Variants in PTPRO observed in about 807,000 individuals in gnomAD.
PTPRO encodes the protein protein tyrosine phosphatase receptor type O, also known as receptor-type tyrosine-protein phosphatase O.
Under a neutral mutation model 145.2 loss-of-function variants are expected in PTPRO, and 62 were observed. That is an observed-to-expected ratio of 0.43 (90% CI 0.35 to 0.53). The LOEUF (loss-of-function observed/expected upper bound fraction) is 0.53. Ranked by LOEUF, PTPRO falls within the 20% of genes least tolerant of loss-of-function variation. The pLI is 0.01. For missense variants in PTPRO, 1,345 were observed against 1,482.7 expected (o/e 0.91, Z 1.53); for synonymous variants, 565 against 514.7 (o/e 1.10, Z -1.32).
chr12:15,434,098 C>T (rs1307399153), intron 1 of PTPRO, among the ~76,000 whole-genome samples: 2 of 152,088 alleles, frequency 1.3e-5, no homozygotes, highest in Non-Finnish European at 1.5e-5. Flanking sequence ...AGAGGTTGTT[C>T]CCTTGAAAAT....
At chr12:15,535,053 C>T (rs1255356351) in intron 12 of PTPRO, among the ~76,000 whole-genome samples, 2 of 152,138 alleles carry the variant, frequency 1.3e-5, no homozygotes, top group Non-Finnish European at 2.9e-5. Flanking sequence ...AAATTAATGA[C>T]TCCCAGGCTT....
At chr12:15,519,567 G>A (rs1942670848) in intron 9 of PTPRO, among the ~76,000 whole-genome samples, 1 of 152,182 alleles carries the variant, frequency 6.6e-6, no homozygotes. Context: ...GGATCCTGGG[G>A]AGGAACACAA....
rs1050759154 is a variant in PTPRO at position 15,524,691 on chromosome 12, G to T, written c.1892-123G>T. ...TATTGAGAGGTCCTGAAGTTACCGGGACTATCGTGTGCTGTGAATTCTAAT... is the reference window on the plus strand; with the variant it reads ...TATTGAGAGGTCCTGAAGTTACCGGTACTATCGTGTGCTGTGAATTCTAAT... On this transcript the variant is annotated intron_variant, in intron 10 of 26. Transcript: ENST00000281171. The T allele has an allele frequency of 5.8e-6, 6 of 1,041,342 alleles. No individual in the cohort carries two copies. The African/African-American group carries it at 9.5e-5, about 16-fold the overall frequency. 64.5% of individuals were successfully genotyped at this position (1,041,342 alleles called of 1,614,324 possible). A position where few individuals can be genotyped will look rare whatever the true frequency, so the allele number is the denominator to read the frequency against.
chr12:15,549,000 T>C, intron 13 of PTPRO, 94 bp from the exon 14 acceptor site: 2 of 1,343,102 alleles, frequency 1.5e-6, no homozygotes, highest in Non-Finnish European at 2.1e-6. Context: ...CATTTTTTAC[T>C]CTGTCAATCT....
intron 1 of PTPRO, among the ~76,000 whole-genome samples, chr12:15,423,521 A>G (rs1409050867): frequency 1.3e-5 from 2 of 152,164 alleles, no homozygotes; most frequent in African/African-American, 4.8e-5. Flanking sequence ...AGAAAGTTCT[A>G]TGCACTTACA....
At chr12:15,525,889 C>A (rs1244102764) in intron 11 of PTPRO, among the ~76,000 whole-genome samples, 1 of 152,032 alleles carries the variant, frequency 6.6e-6, no homozygotes, top group Non-Finnish European at 1.5e-5. Flanking sequence ...AGAATGAGAC[C>A]CATTCCAAAT....
At chr12:15,337,289 C>T (rs1866796263) in intron 1 of PTPRO, 1 of 152,280 alleles carries the variant, frequency 6.6e-6, no homozygotes, top group African/African-American at 2.4e-5. Context: ...TAAAATTCAA[C>T]TCCATCATAA....
intron 1 of PTPRO, among the ~76,000 whole-genome samples, chr12:15,352,908 C>T (rs565309371): frequency 5.9e-5 from 9 of 152,202 alleles, no homozygotes; most frequent in Admixed American, 2.0e-4. Context: ...CCATCAATTA[C>T]CCAGAAAATA....
chr12:15,500,789 G>T (rs1222799995), intron 4 of PTPRO, among the ~76,000 whole-genome samples: 1 of 152,176 alleles, frequency 6.6e-6, no homozygotes, highest in African/African-American at 2.4e-5. Flanking sequence ...GGGCATGGTG[G>T]CTGGTGCCTG....
chr12:15,348,049 T>A (rs1441098344), intron 1 of PTPRO, among the ~76,000 whole-genome samples: 1 of 152,202 alleles, frequency 6.6e-6, no homozygotes, highest in African/African-American at 2.4e-5. Context: ...TCCCAAAAGA[T>A]GACCATACCC....
intron 1 of PTPRO, among the ~76,000 whole-genome samples, chr12:15,394,021 A>T (rs1370268805): frequency 6.6e-6 from 1 of 150,570 alleles, no homozygotes; most frequent in Non-Finnish European, 1.5e-5. Context: ...AACTCCTGTG[A>T]TAACCCAATG....
intron 1 of PTPRO, among the ~76,000 whole-genome samples, chr12:15,363,909 A>C (rs567755419): frequency 6.6e-6 from 1 of 152,310 alleles, no homozygotes; most frequent in East Asian, 1.9e-4. Context: ...AAAAGCTTAG[A>C]TACTAGCTGG....
At chr12:15,360,901 C>CACATACACATGTGTGTATAT in intron 1 of PTPRO, among the ~76,000 whole-genome samples, 1 of 120,046 alleles carries the variant, frequency 8.3e-6, no homozygotes, top group African/African-American at 3.1e-5. Flanking sequence ...TGTATATACA[C>CACATACACATGTGTGTATAT]ACACATATAT....
chr12:15,394,589 T>C (rs1939284746), intron 1 of PTPRO, among the ~76,000 whole-genome samples: 1 of 152,226 alleles, frequency 6.6e-6, no homozygotes, highest in African/African-American at 2.4e-5. Flanking sequence ...TAATAACTTA[T>C]GCAAGTCTTA....
rs530636383 is a variant in PTPRO, at chr12:15,455,421, G to A, written c.76-28553G>A. 6.6e-5 allele frequency among the ~76,000 whole-genome samples: 10 copies of A among 151,286 alleles called. No individual in the cohort carries two copies. In the East Asian group the frequency reaches 2.0e-3, roughly 30 times the overall value. On this transcript the variant is annotated intron_variant, in intron 1 of 26. Coordinates refer to ENST00000281171, the MANE Select transcript of PTPRO (RefSeq NM_030667.3). ...CTTTGATAGGAAGTATGATAAATTT[G>A]CAGATTGCACAATAAGAAGTAAGGA... is the stretch of plus-strand genomic sequence containing the variant.
At chr12:15,429,752 ATGTAGAAAACAAC>A (rs773464524) in intron 1 of PTPRO, among the ~76,000 whole-genome samples, 6 of 152,192 alleles carry the variant, frequency 3.9e-5, no homozygotes, top group Non-Finnish European at 7.4e-5. Flanking sequence ...TCTGAATGCA[ATGTAGAAAACAAC>A]TGGATGAGTG....
At chr12:15,572,715 CT>C (rs950713043) in intron 19 of PTPRO, among the ~76,000 whole-genome samples, 10 of 151,670 alleles carry the variant, frequency 6.6e-5, no homozygotes, top group African/African-American at 1.9e-4. Flanking sequence ...TCATGTTCTG[CT>C]TTTTTTTAAG....
chr12:15,484,134 CT>C lies in PTPRO; in HGVS notation c.237del (p.Pro80LeufsTer15), dbSNP rs1208469061. On this transcript the variant is annotated frameshift_variant, in exon 2 of 27. Transcript: ENST00000281171. LOFTEE classifies it high-confidence loss of function. ...TTTGAGGAATTCAACAGCACTTTGC[CT>C]CCTCCTGTTATTTTCAAGGCCAGTT... ...FEFEEFNSTL[P>X]PPVIFKASYH... The C allele has an allele frequency of 6.2e-7, 1 of 1,613,742 alleles. No homozygotes were observed. Among genetic ancestry groups the C allele is most frequent in the Admixed American group, 1.7e-5 (1 of 59,968 alleles).
At chr12:15,361,482 A>T (rs1938210017) in intron 1 of PTPRO, among the ~76,000 whole-genome samples, 1 of 151,878 alleles carries the variant, frequency 6.6e-6, no homozygotes, top group Non-Finnish European at 1.5e-5. Context: ...AAAACAAAGA[A>T]ATTCAGAACA....
Sources: allele counts gnomAD v4.1 joint callset (sites outside exome capture counted in the v4.1 genomes callset), GRCh38; gene constraint gnomAD v4.1.1; transcripts MANE v1.5; gene names NCBI Gene and HGNC (gene_info 2026-07-23, HGNC 2026-07-21).